The following DND1 variants were observed in gnomAD, a reference collection of about 807,000 sequenced individuals.
DND1 encodes the protein dead end protein homolog 1.
A neutral mutation model predicts 30.4 loss-of-function variants in DND1; 6 were observed. The observed-to-expected ratio is 0.20, with a 90% CI of 0.11 to 0.39. The LOEUF (loss-of-function observed/expected upper bound fraction) is 0.39, where lower values mean the gene tolerates loss of function less well. DND1 is among the 10% of genes least tolerant of loss of function. The pLI, the probability that DND1 is intolerant of heterozygous loss-of-function variation, is 1.00. For missense variants in DND1, 358 were observed against 474.9 expected, an observed-to-expected ratio of 0.75 and a Z score of 2.29; for synonymous variants, 178 against 210.4, an observed-to-expected ratio of 0.85 and a Z score of 1.33.
Position 140,671,202 on chromosome 5 carries a change from G to T in DND1, c.*91C>A, listed in dbSNP as rs1409176076. On this transcript the variant is annotated 3_prime_UTR_variant, in exon 4 of 4. Transcript: ENST00000542735. ...GGCCCATGCCCCTCCCCACCTTTGG[G>T]GGTCAGAAAGTGGCCACCCAGGCCT... is the stretch of plus-strand genomic sequence containing the variant. 3 of 1,540,324 alleles carry T rather than the reference G, an allele frequency of 1.9e-6. No homozygotes were observed. The Admixed American group carries it at 5.1e-5, about 26-fold the overall frequency.
Position 140,673,291 on chromosome 5 carries a change from T to C in DND1, c.122A>G (p.Lys41Arg). The change falls in exon 2 of 4, where the codon AAG becomes AGG. Residue 41 changes from lysine (K) to arginine (R), a missense_variant. Physicochemically the swap from Lys to Arg is conservative, Grantham distance 26. Coordinates refer to ENST00000542735, the MANE Select transcript of DND1 (RefSeq NM_194249.3). Reference sequence around the variant, plus strand: ...CGTACCTGGGGGTGGCCCGCCATACTTCCTCTGCCCGTTCACCTGCACCAG... The same window carrying C: ...CGTACCTGGGGGTGGCCCGCCATACCTCCTCTGCCCGTTCACCTGCACCAG... The part of the protein sequence containing the change: ...IRLVQVNGQR[K>R]YGGPPPGWVG... 1 of 1,613,946 alleles carries C rather than the reference T, an allele frequency of 6.2e-7. No individual in the cohort carries two copies. Among genetic ancestry groups the C allele is most frequent in the South Asian group, 1.1e-5 (1 of 91,084 alleles).
rs1410718321 is a variant in DND1 at position 140,670,843 on chromosome 5, C to T, written c.*450G>A. 4.1e-6 allele frequency: 1 copy of T among 244,520 alleles called. No homozygotes were observed. Among genetic ancestry groups the T allele is most frequent in the African/African-American group, 2.2e-5 (1 of 44,574 alleles). 15.1% of individuals were successfully genotyped at this position (244,520 alleles called of 1,614,324 possible). A position where few individuals can be genotyped will look rare whatever the true frequency, so the allele number is the denominator to read the frequency against. On this transcript the variant is annotated 3_prime_UTR_variant, in exon 4 of 4. Transcript: ENST00000542735. ...TAAATACAACCAGCATAGAAAGACC[C>T]AAAACTATACAGAAACCAAAACCAG...
At position 140,671,195 on chromosome 5, in the gene DND1, C is replaced by T. The variant is rs539661248; in HGVS notation, c.*98G>A. On this transcript the variant is annotated 3_prime_UTR_variant, in exon 4 of 4. Transcript: ENST00000542735. Reference sequence around the variant, plus strand: ...GGGCCTGGGCCCATGCCCCTCCCCACCTTTGGGGGTCAGAAAGTGGCCACC... The same window carrying T: ...GGGCCTGGGCCCATGCCCCTCCCCATCTTTGGGGGTCAGAAAGTGGCCACC... The T allele has an allele frequency of 2.9e-4, 439 of 1,516,224 alleles. 1 individual carries two copies. The African/African-American group carries it at 4.6e-3, about 16-fold the overall frequency. The allele number at this position is 1,516,224 out of a possible 1,614,324, so 93.9% of individuals were successfully genotyped here.
At chr5:140,672,967 G>A in intron 2 of DND1, 61 bp from the exon 3 acceptor site, 1 of 1,513,406 alleles carries the variant, frequency 6.6e-7, no homozygotes, top group Non-Finnish European at 8.9e-7. Flanking sequence ...TGAGCCCACG[G>A]ACCCAGCGCG....
Position 140,672,626 on chromosome 5 carries a change from G to A in DND1, c.423C>T (p.Ser141=). 6.4e-7 allele frequency: 1 copy of A among 1,568,098 alleles called. No homozygotes were observed. The highest frequency in any genetic ancestry group is 8.6e-7 in the Non-Finnish European group (1 of 1,164,956). The change falls in exon 3 of 4, where the codon AGC becomes AGT. Residue 141 remains serine (S), a synonymous_variant. Transcript: ENST00000542735. ...TCAGATTCGGCGGCAGGCCGTCAAC[G>A]CTCAGCTCACACTTCTCGGTGCTGC... ...VCRSTEKCEL[S]VDGLPPNLTR... is the part of the protein sequence containing the mutation.
Position 140,671,413 on chromosome 5 carries a change from C to G in DND1, c.942G>C (p.Arg314=), listed in dbSNP as rs765762813. The G allele has an allele frequency of 8.7e-6, 14 of 1,612,320 alleles. No homozygotes were observed. The African/African-American group carries it at 1.9e-4, about 21-fold the overall frequency. The change falls in exon 4 of 4, where the codon CGG becomes CGC. Residue 314 remains arginine, a synonymous_variant. Transcript: ENST00000542735. ...CATCCTTGGCCACCTCATGCCCATC[C>G]CGGCCATCTAGGGTCAGCACAACCC... is the stretch of plus-strand genomic sequence containing the variant. ...LIWVVLTLDG[R]DGHEVAKDAV...
Position 140,672,797 on chromosome 5 carries a change from G to A in DND1, c.252C>T (p.Leu84=). The A allele has an allele frequency of 6.3e-7, 1 of 1,579,266 alleles. No homozygotes were observed. The highest frequency in any genetic ancestry group is 1.9e-4 in the Middle Eastern group (1 of 5,382). ...AGGTCATCATCAGGCGGAACTCGTAGAGGCGGCCCACGCGCTGGAACAGCG... is the reference window on the plus strand; with the variant it reads ...AGGTCATCATCAGGCGGAACTCGTAAAGGCGGCCCACGCGCTGGAACAGCG... ...LIPLFQRVGR[L]YEFRLMMTFS... is the part of the protein sequence containing the mutation. Residue 84 remains leucine, a synonymous_variant, in exon 3 of 4, where the codon CTC becomes CTT. Coordinates refer to ENST00000542735, the MANE Select transcript of DND1 (RefSeq NM_194249.3).
In DND1 at chr5:140,672,225, G is replaced by A. The variant is rs1700819805; in HGVS notation, c.604+220C>T. 11 of 600,068 alleles carry A rather than the reference G, an allele frequency of 1.8e-5. No individual in the cohort carries two copies. The South Asian group carries it at 2.0e-4, about 11-fold the overall frequency. 37.2% of individuals were successfully genotyped at this position (600,068 alleles called of 1,614,324 possible). ...TGCGGTGTGGGGGTGGGGGAAGGTTGAGAATTAAGTCAGGAGGTAATGCTC... is the reference window on the plus strand; with the variant it reads ...TGCGGTGTGGGGGTGGGGGAAGGTTAAGAATTAAGTCAGGAGGTAATGCTC... On this transcript the variant is annotated intron_variant, in intron 3 of 3. Transcript: ENST00000542735.
chr5:140,673,414 G>A, intron 1 of DND1, 26 bp from the exon 2 acceptor site: 7 of 1,614,028 alleles, frequency 4.3e-6, no homozygotes, highest in Non-Finnish European at 5.9e-6. Context: ...AGGTTGGAAT[G>A]GCGGATCGCC....
At chr5:140,673,183 C>G in intron 2 of DND1, 88 bp downstream of exon 2, 1 of 1,434,790 alleles carries the variant, frequency 7.0e-7, no homozygotes. Flanking sequence ...GGGTAGTTCG[C>G]AGTTTCTGAC....
At position 140,673,311 on chromosome 5, in the gene DND1, C is replaced by T. The variant is rs1476685136; in HGVS notation, c.102G>A (p.Val34=). 1 of 1,614,112 alleles carries T rather than the reference C, an allele frequency of 6.2e-7. No homozygotes were observed. The highest frequency in any genetic ancestry group is 2.2e-5 in the East Asian group (1 of 44,864). ...CATACTTCCTCTGCCCGTTCACCTG[C>T]ACCAGGCGGATGCCTGTCTCCCTGA... ...AWVRETGIRL[V]QVNGQRKYGG... is the part of the protein sequence containing the mutation. Residue 34 remains valine (V), a synonymous_variant, in exon 2 of 4, where the codon GTG becomes GTA. Transcript: ENST00000542735.
rs1758161943 is a variant in DND1 at position 140,673,515 on chromosome 5, T to C, written c.24+4A>G. On this transcript the variant is annotated splice_donor_region_variant and intron_variant, in intron 1 of 3. Coordinates refer to ENST00000542735, the MANE Select transcript of DND1 (RefSeq NM_194249.3). ...CGCCGGCCCCCAAGTCGCCAGCCGC[T>C]TACCTCACAATCCCGCTTGGACTGC... The C allele has an allele frequency of 6.3e-7, 1 of 1,595,836 alleles. No homozygotes were observed. Among genetic ancestry groups the C allele is most frequent in the Non-Finnish European group, 8.5e-7 (1 of 1,170,914 alleles).
intron 3 of DND1, 90 bp downstream of exon 3, chr5:140,672,355 C>T: frequency 1.4e-6 from 2 of 1,386,624 alleles, no homozygotes; most frequent in Non-Finnish European, 2.0e-6. Context: ...ATGTTTGACT[C>T]TAAGATCTTG....
intron 3 of DND1, 114 bp downstream of exon 3, chr5:140,672,331 T>C: frequency 1.7e-6 from 2 of 1,151,500 alleles, no homozygotes; most frequent in African/African-American, 1.6e-5. Context: ...TAGTAAAAGG[T>C]TGCAAATTCT....
intron 3 of DND1, 152 bp downstream of exon 3, chr5:140,672,293 T>C: frequency 1.2e-6 from 1 of 808,156 alleles, no homozygotes; most frequent in Non-Finnish European, 1.9e-6. Flanking sequence ...GGTAGCACCA[T>C]TGGAAGTTTT....
chr5:140,673,472 C>A, intron 1 of DND1, 47 bp downstream of exon 1: 1 of 1,612,618 alleles, frequency 6.2e-7, no homozygotes, highest in Non-Finnish European at 8.5e-7. Context: ...TAAAGCCGAC[C>A]CCCGCTCCGG....
chr5:140,672,672 G>A lies in DND1; in HGVS notation c.377C>T (p.Ser126Phe), dbSNP rs759115421. Residue 126 changes from serine (S) to phenylalanine (F), a missense_variant, in exon 3 of 4, where the codon TCC becomes TTC. Physicochemically the swap from Ser to Phe is radical, Grantham distance 155 (BLOSUM62 -2). Transcript: ENST00000542735. ...ATLHNHPLRP[S>F]CPLLVCRSTE... is the part of the protein sequence containing the mutation. ...GCTGCGGCACACGAGCAGCGGGCAG[G>A]ACGGCCGCAGCGGATGGTTGTGCAG... The A allele has an allele frequency of 6.3e-7, 1 of 1,577,106 alleles. No homozygotes were observed. The highest frequency in any genetic ancestry group is 2.3e-4 in the Middle Eastern group (1 of 4,408).
chr5:140,673,220 C>G (rs753107806), intron 2 of DND1, 51 bp downstream of exon 2: 58 of 1,596,804 alleles, frequency 3.6e-5, no homozygotes, highest in Admixed American at 3.3e-5. Flanking sequence ...AGCCCCTCCC[C>G]CAAAGGGGGC....
At position 140,671,220 on chromosome 5, in the gene DND1, C is replaced by A. The variant is rs1157614450; in HGVS notation, c.*73G>T. The A allele has an allele frequency of 6.3e-7, 1 of 1,598,022 alleles. No individual in the cohort carries two copies. Among genetic ancestry groups the A allele is most frequent in the African/African-American group, 1.3e-5 (1 of 74,636 alleles). On this transcript the variant is annotated 3_prime_UTR_variant, in exon 4 of 4. Coordinates refer to ENST00000542735, the MANE Select transcript of DND1 (RefSeq NM_194249.3). ...CCTTTGGGGGTCAGAAAGTGGCCAC[C>A]CAGGCCTGCTGGGATGGGGCCTGAC...
Sources: allele counts gnomAD v4.1 joint callset, GRCh38; gene constraint gnomAD v4.1.1; transcripts MANE v1.5; gene names NCBI Gene and HGNC (gene_info 2026-07-23, HGNC 2026-07-21).